Variants in KAZN observed in about 807,000 individuals in gnomAD.
The protein encoded by KAZN is kazrin.
A neutral mutation model predicts 87.4 loss-of-function variants in KAZN; 40 were observed. The ratio of observed to expected loss-of-function variants is 0.46; its 90% CI spans 0.36 to 0.60. The LOEUF (loss-of-function observed/expected upper bound fraction) is 0.60, where lower values mean the gene tolerates loss of function less well. KAZN is among the 20% of genes least tolerant of loss of function. The pLI is 0.00. For missense variants in KAZN, 898 were observed against 1,073.9 expected, an observed-to-expected ratio of 0.84 and a Z score of 2.29; for synonymous variants, 466 against 458.3, an observed-to-expected ratio of 1.02 and a Z score of -0.22.
chr1:14,761,341 C>G (rs1428161384), intron 1 of KAZN, among the ~76,000 whole-genome samples: 1 of 152,178 alleles, frequency 6.6e-6, no homozygotes, highest in Admixed American at 6.5e-5. Flanking sequence ...TGTCTCCTCC[C>G]CCAAGCCCCT....
chr1:14,516,762 A>G (rs1402972339), intron 2 of KAZN, among the ~76,000 whole-genome samples: 1 of 152,126 alleles, frequency 6.6e-6, no homozygotes, highest in African/African-American at 2.4e-5. Flanking sequence ...GTCCTTACCT[A>G]TTGGTTCCTG....
intron 2 of KAZN, among the ~76,000 whole-genome samples, chr1:14,346,582 A>G (rs1658126312): frequency 6.6e-6 from 1 of 151,774 alleles, no homozygotes; most frequent in Non-Finnish European, 1.5e-5. Context: ...AATTTTCTAT[A>G]CCTCCCCTCT....
chr1:14,154,120 C>A (rs1645537194), intron 1 of KAZN, among the ~76,000 whole-genome samples: 1 of 152,090 alleles, frequency 6.6e-6, no homozygotes, highest in Non-Finnish European at 1.5e-5. Flanking sequence ...AATATCGATT[C>A]TTCCAATCCA....
chr1:14,031,678 C>A (rs897814585), intron 1 of KAZN, among the ~76,000 whole-genome samples: 1 of 152,274 alleles, frequency 6.6e-6, no homozygotes, highest in East Asian at 1.9e-4. Flanking sequence ...ACACATCCCA[C>A]GTTGTAATTT....
intron 1 of KAZN, among the ~76,000 whole-genome samples, chr1:14,601,033 C>T (rs1006491142): frequency 1.3e-5 from 2 of 152,142 alleles, no homozygotes; most frequent in African/African-American, 4.8e-5. Flanking sequence ...TACACAAATG[C>T]ACAGGGCTGT....
intron 2 of KAZN, among the ~76,000 whole-genome samples, chr1:14,226,332 GAAATGCAAATCA>G (rs1473265118): frequency 6.6e-6 from 1 of 151,984 alleles, no homozygotes; most frequent in Non-Finnish European, 1.5e-5. Flanking sequence ...AATCATTAGA[GAAATGCAAATCA>G]AAATGCAAAT....
intron 1 of KAZN, among the ~76,000 whole-genome samples, chr1:14,859,007 C>A (rs1463334616): frequency 6.6e-6 from 1 of 152,086 alleles, no homozygotes; most frequent in Admixed American, 6.5e-5. Flanking sequence ...GAGATCGAGA[C>A]CATCCTGGCT....
intron 1 of KAZN, among the ~76,000 whole-genome samples, chr1:14,917,530 TTTA>T (rs1310705367): frequency 6.6e-6 from 1 of 152,188 alleles, no homozygotes; most frequent in African/African-American, 2.4e-5. Flanking sequence ...TTTTTGAGGA[TTTA>T]CCCTATGCCA....
chr1:14,391,394 A>G (rs1338511149), intron 2 of KAZN: 2 of 152,312 alleles, frequency 1.3e-5, no homozygotes, highest in East Asian at 1.9e-4. Flanking sequence ...AGGGTCACAT[A>G]CACAACTGCC....
rs530409882 is a variant in KAZN, at chr1:15,057,855, G to T, written c.916+1575G>T. Among the ~76,000 whole-genome samples the T allele has an allele frequency of 2.6e-5, 4 of 152,316 alleles. No homozygotes were observed. The South Asian group carries it at 8.3e-4, about 32-fold the overall frequency. On this transcript the variant is annotated intron_variant, in intron 5 of 14. Coordinates refer to ENST00000376030, the MANE Select transcript of KAZN (RefSeq NM_201628.3). ...GGCTTGGGCAGTTTCTGAATCACGT[G>T]GGGGCAGCAGACTCCTGGTCATCCT...
At chr1:14,798,242 GC>G (rs1299373492) in intron 1 of KAZN, among the ~76,000 whole-genome samples, 3 of 151,996 alleles carry the variant, frequency 2.0e-5, no homozygotes, top group African/African-American at 7.2e-5. Context: ...TACGTTGCTT[GC>G]CCTCTTAGTG....
At chr1:14,932,522 C>G (rs1284182562) in intron 1 of KAZN, among the ~76,000 whole-genome samples, 1 of 152,192 alleles carries the variant, frequency 6.6e-6, no homozygotes, top group Non-Finnish European at 1.5e-5. Context: ...GACTGAAGAA[C>G]TGAGCTTTAA....
intron 2 of KAZN, among the ~76,000 whole-genome samples, chr1:15,024,223 G>T (rs187331777): frequency 1.3e-5 from 2 of 152,084 alleles, no homozygotes; most frequent in Non-Finnish European, 2.9e-5. Context: ...CCAGGAACAC[G>T]GGCCCTGGAG....
rs1257151435 is a variant in KAZN, at chr1:14,277,672, A to G, written c.249+97080A>G. On this transcript the variant is annotated intron_variant, in intron 2 of 16. Transcript: ENST00000636203. ...GCGAGACTCCCTCTTGAAAAAAAAA[A>G]AAAAAGAAAAAAGAAAGAACAGGAA... 5.9e-5 allele frequency among the ~76,000 whole-genome samples: 9 copies of G among 151,594 alleles called. 1 individual carries two copies. Among genetic ancestry groups the G allele is most frequent in the African/African-American group, 4.8e-5 (2 of 41,412 alleles).
chr1:14,318,704 A>G (rs1655827296), intron 2 of KAZN, among the ~76,000 whole-genome samples: 2 of 152,104 alleles, frequency 1.3e-5, no homozygotes, highest in Non-Finnish European at 2.9e-5. Context: ...GTGCAATTCA[A>G]TGAGATTCTG....
intron 1 of KAZN, among the ~76,000 whole-genome samples, chr1:13,979,260 A>C (rs1638538980): frequency 6.6e-6 from 1 of 152,192 alleles, no homozygotes; most frequent in Non-Finnish European, 1.5e-5. Context: ...CCTCCATCAC[A>C]TACAAAAAGG....
At chr1:15,050,159 G>GACAGATA (rs201481507) in intron 4 of KAZN, among the ~76,000 whole-genome samples, 1 of 131,238 alleles carries the variant, frequency 7.6e-6, no homozygotes, top group African/African-American at 2.9e-5. Flanking sequence ...AGAATAGAAT[G>GACAGATA]GAATAGAATA....
Position 14,390,665 on chromosome 1 carries a change from T to G in KAZN, c.250-208318T>G, listed in dbSNP as rs1662340836. 2.0e-5 allele frequency: 3 copies of G among 152,480 alleles called. No homozygotes were observed. The South Asian group carries it at 6.2e-4, about 32-fold the overall frequency. 9.4% of individuals were successfully genotyped at this position (152,480 alleles called of 1,614,324 possible). A position where few individuals can be genotyped will look rare whatever the true frequency, so the allele number is the denominator to read the frequency against. On this transcript the variant is annotated intron_variant, in intron 2 of 16. Coordinates refer to the KAZN transcript ENST00000636203. ...CTGCTTGAGACTGGGTGATTTTTAA[T>G]AAACAAATTTATTGACTCACAGTTC...
At chr1:14,254,807 T>G (rs1006851110) in intron 2 of KAZN, among the ~76,000 whole-genome samples, 3 of 151,986 alleles carry the variant, frequency 2.0e-5, no homozygotes, top group Non-Finnish European at 2.9e-5. Flanking sequence ...CTCAGGAAGC[T>G]TACAAGCATG....
Sources: gnomAD v4.1 joint callset for allele counts (sites outside exome capture counted in the v4.1 genomes callset) on GRCh38, gnomAD v4.1.1 for gene constraint, MANE v1.5 for transcripts, NCBI Gene and HGNC (gene_info 2026-07-23, HGNC 2026-07-21) for gene names.